PEBP4: variants seen among roughly 807,000 people sequenced by gnomAD.
PEBP4 encodes phosphatidylethanolamine-binding protein 4.
A neutral mutation model predicts 23.9 loss-of-function variants in PEBP4; 22 were observed. The ratio of observed to expected loss-of-function variants is 0.92; its 90% CI spans 0.66 to 1.31. The LOEUF is 1.31. PEBP4 is among the 40% of genes most tolerant of loss of function. The pLI is 0.00. For synonymous variants in PEBP4, 112 were observed against 99.3 expected (o/e 1.13, Z -0.76); for missense variants, 324 against 281.7 (o/e 1.15, Z -1.07).
At chr8:22,785,777 A>T (rs1416218086) in intron 4 of PEBP4, among the ~76,000 whole-genome samples, 4 of 152,202 alleles carry the variant, frequency 2.6e-5, no homozygotes, top group African/African-American at 4.8e-5. Flanking sequence ...AAGCTTGTCA[A>T]TGACTGTGAA....
chr8:22,788,091 G>T (rs1481553449), intron 4 of PEBP4, among the ~76,000 whole-genome samples: 2 of 151,988 alleles, frequency 1.3e-5, no homozygotes, highest in African/African-American at 4.8e-5. Flanking sequence ...TGAAGGGAAG[G>T]GGGATGCTGG....
chr8:22,888,352 G>T (rs1174313500), intron 3 of PEBP4, among the ~76,000 whole-genome samples: 1 of 151,942 alleles, frequency 6.6e-6, no homozygotes, highest in East Asian at 1.9e-4. Context: ...TGGGGTTTCA[G>T]CATGTTTGCC....
At chr8:22,829,772 T>G (rs1025567289) in intron 3 of PEBP4, among the ~76,000 whole-genome samples, 2 of 152,216 alleles carry the variant, frequency 1.3e-5, no homozygotes, top group African/African-American at 4.8e-5. Context: ...CCCCATATCC[T>G]CCCCTGCTTT....
chr8:22,752,396 C>A (rs1447236638), intron 4 of PEBP4, among the ~76,000 whole-genome samples: 2 of 152,226 alleles, frequency 1.3e-5, no homozygotes, highest in African/African-American at 4.8e-5. Context: ...ATAAAGCAAA[C>A]TAAGTCTACG....
chr8:22,871,533 T>C (rs1808007009), intron 3 of PEBP4, among the ~76,000 whole-genome samples: 1 of 151,266 alleles, frequency 6.6e-6, no homozygotes, highest in African/African-American at 2.4e-5. Context: ...GGTTAAGTTC[T>C]TTAGCAGTGA....
chr8:22,854,570 G>A (rs1422411673), intron 3 of PEBP4, among the ~76,000 whole-genome samples: 1 of 152,154 alleles, frequency 6.6e-6, no homozygotes, highest in Non-Finnish European at 1.5e-5. Context: ...AGCAGGGGCT[G>A]GGGCAATGAG....
intron 6 of PEBP4, among the ~76,000 whole-genome samples, chr8:22,715,008 G>T (rs1804383506): frequency 1.3e-5 from 2 of 152,336 alleles, no homozygotes; most frequent in East Asian, 3.9e-4. Flanking sequence ...AAAAAGGGAG[G>T]ACTGTTCCCA....
intron 4 of PEBP4, among the ~76,000 whole-genome samples, chr8:22,785,112 C>T (rs949593183): frequency 2.6e-5 from 4 of 152,196 alleles, no homozygotes; most frequent in Non-Finnish European, 2.9e-5. Context: ...ATGCTGCTCC[C>T]GTGGCAGTGG....
intron 3 of PEBP4, among the ~76,000 whole-genome samples, chr8:22,917,530 C>T (rs374840107): frequency 5.9e-5 from 9 of 152,322 alleles, no homozygotes; most frequent in African/African-American, 2.2e-4. Flanking sequence ...GGCCCACTGG[C>T]CAGGCCCATG....
At chr8:22,921,117 G>A (rs1257582627) in intron 2 of PEBP4, among the ~76,000 whole-genome samples, 1 of 152,264 alleles carries the variant, frequency 6.6e-6, no homozygotes, top group African/African-American at 2.4e-5. Context: ...GGCTGTAAGT[G>A]CATGCTTATA....
At chr8:22,909,117 C>T (rs1808879602) in intron 3 of PEBP4, among the ~76,000 whole-genome samples, 1 of 152,184 alleles carries the variant, frequency 6.6e-6, no homozygotes, top group Non-Finnish European at 1.5e-5. Context: ...GCCCCAGCCA[C>T]TCAGCCAGCT....
chr8:22,781,947 G>A (rs926098203), intron 4 of PEBP4, among the ~76,000 whole-genome samples: 1 of 152,204 alleles, frequency 6.6e-6, no homozygotes, highest in Non-Finnish European at 1.5e-5. Flanking sequence ...CTCTGCCACC[G>A]TTCCCCAGGA....
chr8:22,747,713 C>G (rs1328986305), intron 4 of PEBP4: 2 of 152,228 alleles, frequency 1.3e-5, no homozygotes, highest in African/African-American at 4.8e-5. Flanking sequence ...AAAGAATTCA[C>G]AGTGGGAAGG....
intron 3 of PEBP4, among the ~76,000 whole-genome samples, chr8:22,844,129 C>T (rs1807379520): frequency 6.6e-6 from 1 of 152,184 alleles, no homozygotes; most frequent in Admixed American, 6.5e-5. Context: ...ATGCTTCTGC[C>T]TCTATAAACC....
intron 3 of PEBP4, among the ~76,000 whole-genome samples, chr8:22,866,708 AG>A (rs1479360516): frequency 6.6e-6 from 1 of 152,100 alleles, no homozygotes; most frequent in African/African-American, 2.4e-5. Context: ...ATAAACACAC[AG>A]GAAAAAAACA....
intron 4 of PEBP4, among the ~76,000 whole-genome samples, chr8:22,786,756 G>A (rs371762776): frequency 7.4e-4 from 112 of 152,020 alleles, no homozygotes; most frequent in African/African-American, 2.7e-3. Flanking sequence ...AAAGCTCCAT[G>A]CCAGGGAGTG....
intron 3 of PEBP4, chr8:22,885,922 G>T (rs535316637): frequency 6.6e-6 from 1 of 152,300 alleles, no homozygotes; most frequent in Admixed American, 6.5e-5. Flanking sequence ...CCTAGTCACA[G>T]ACCGCCTGCA....
At chr8:22,848,049 G>A (rs1033649267) in intron 3 of PEBP4, among the ~76,000 whole-genome samples, 5 of 150,894 alleles carry the variant, frequency 3.3e-5, no homozygotes, top group African/African-American at 9.8e-5. Flanking sequence ...TCTCTCTGTC[G>A]CTTTCTCTTT....
At chr8:22,850,494 A>G (rs1459946251) in intron 3 of PEBP4, among the ~76,000 whole-genome samples, 2 of 152,170 alleles carry the variant, frequency 1.3e-5, no homozygotes, top group Non-Finnish European at 2.9e-5. Flanking sequence ...GGGAGCTGTG[A>G]TAGGGCTGGG....
Sources: gnomAD v4.1 joint callset for allele counts (sites outside exome capture counted in the v4.1 genomes callset) on GRCh38, gnomAD v4.1.1 for gene constraint, MANE v1.5 for transcripts, NCBI Gene and HGNC (gene_info 2026-07-23, HGNC 2026-07-21) for gene names.